Variants in DCLK1 observed in about 807,000 individuals in gnomAD.
DCLK1 encodes the protein serine/threonine-protein kinase DCLK1.
Under a neutral mutation model 86.2 loss-of-function variants are expected in DCLK1, and 16 were observed. That is an observed-to-expected ratio of 0.19 (90% confidence interval 0.13 to 0.28). DCLK1 has a LOEUF of 0.28. DCLK1 is among the 10% of genes least tolerant of loss of function. DCLK1 has a pLI of 1.00. For synonymous variants in DCLK1, 369 were observed against 370.5 expected (o/e 1.00, Z 0.05); for missense variants, 590 against 940.2 (o/e 0.63, Z 4.87).
intron 4 of DCLK1, among the ~76,000 whole-genome samples, chr13:35,901,208 C>T (rs1216289062): frequency 1.3e-5 from 2 of 152,008 alleles, no homozygotes; most frequent in African/African-American, 4.8e-5. Context: ...CAGACTTGGC[C>T]AGGCATGGTG....
rs1163497936 is a variant in DCLK1, at chr13:35,828,217, C to T, written c.1287+33G>A. The T allele has an allele frequency of 1.9e-6, 3 of 1,569,160 alleles. No homozygotes were observed. The African/African-American group carries it at 4.0e-5, about 21-fold the overall frequency. ...TGTGTTTCTTTTGACCTCTTGAACACTCTTATCTCATAAGAACAAATTTTA... is the reference window on the plus strand; with the variant it reads ...TGTGTTTCTTTTGACCTCTTGAACATTCTTATCTCATAAGAACAAATTTTA... On this transcript the variant is annotated intron_variant, in intron 9 of 16. Transcript: ENST00000360631.
At position 35,770,273 on chromosome 13, in the gene DCLK1, T is replaced by C. The variant is rs2086306717; in HGVS notation, c.*4262A>G. On this transcript the variant is annotated 3_prime_UTR_variant, in exon 17 of 17. Transcript: ENST00000360631. ...ACATTTGCAGTTATCAAATGTTTAG[T>C]GTGTCCTCAAGTTTCATTGATTTGT... 6.6e-6 allele frequency: 1 copy of C among 152,244 alleles called. No homozygotes were observed. Among genetic ancestry groups the C allele is most frequent in the South Asian group, 2.1e-4 (1 of 4,836 alleles). The allele number at this position is 152,244 out of a possible 1,614,324, so 9.4% of individuals were successfully genotyped here. A position where few individuals can be genotyped will look rare whatever the true frequency, so the allele number is the denominator to read the frequency against.
chr13:35,826,540 A>AGGAAGGGAGGAAGG (rs1382422000), intron 10 of DCLK1, among the ~76,000 whole-genome samples: 1 of 92,754 alleles, frequency 1.1e-5, no homozygotes, highest in African/African-American at 3.3e-5. Context: ...AAAAAAAAAA[A>AGGAAGGGAGGAAGG]AAGAAAGAAA....
In DCLK1 at chr13:36,006,264, C is replaced by A. The variant is rs138305058; in HGVS notation, c.724-58807G>T. On this transcript the variant is annotated intron_variant, in intron 3 of 16. Coordinates refer to ENST00000360631, the MANE Select transcript of DCLK1 (RefSeq NM_001330071.2). Reference sequence around the variant, plus strand: ...AGAAAATGTGAATGAAGACAAGCACCTTTTCCAGGCAGCCGTACCAAGGAG... The same window carrying A: ...AGAAAATGTGAATGAAGACAAGCACATTTTCCAGGCAGCCGTACCAAGGAG... Among the ~76,000 whole-genome samples, 265 of 152,256 alleles carry A rather than the reference C, an allele frequency of 1.7e-3. 1 individual carries two copies. Among genetic ancestry groups the A allele is most frequent in the Middle Eastern group, 6.8e-3 (2 of 294 alleles).
chr13:35,988,936 G>A (rs532862858), intron 3 of DCLK1, among the ~76,000 whole-genome samples: 22 of 152,174 alleles, frequency 1.4e-4, no homozygotes, highest in South Asian at 8.3e-4. Context: ...ATCAGCACAC[G>A]CCATGAAGGA....
intron 3 of DCLK1, among the ~76,000 whole-genome samples, chr13:35,978,262 G>A (rs1879457139): frequency 7.7e-6 from 1 of 130,180 alleles, no homozygotes; most frequent in Non-Finnish European, 1.5e-5. Context: ...CTGGAGTGCA[G>A]TAGTACGATC....
At chr13:36,014,057 T>C (rs1334019248) in intron 3 of DCLK1, among the ~76,000 whole-genome samples, 2 of 152,342 alleles carry the variant, frequency 1.3e-5, no homozygotes, top group African/African-American at 4.8e-5. Context: ...TGCCTCGCCC[T>C]GCTTCGGCTC....
At chr13:36,005,569 G>C (rs538703955) in intron 3 of DCLK1, among the ~76,000 whole-genome samples, 3 of 152,254 alleles carry the variant, frequency 2.0e-5, no homozygotes, top group African/African-American at 7.2e-5. Context: ...CACTCCATAG[G>C]TATCTCTGGA....
At chr13:35,876,954 A>G (rs1418529769) in intron 4 of DCLK1, among the ~76,000 whole-genome samples, 1 of 152,186 alleles carries the variant, frequency 6.6e-6, no homozygotes, top group Non-Finnish European at 1.5e-5. Flanking sequence ...TCTTGCTCCT[A>G]AAGATTGCAG....
intron 4 of DCLK1, among the ~76,000 whole-genome samples, chr13:35,880,817 G>T (rs902430154): frequency 2.0e-5 from 3 of 152,096 alleles, no homozygotes; most frequent in Non-Finnish European, 1.5e-5. Context: ...TGACCTTTTT[G>T]AAAGTAAAGC....
chr13:36,006,015 G>A (rs563503644), intron 3 of DCLK1, among the ~76,000 whole-genome samples: 45 of 152,078 alleles, frequency 3.0e-4, no homozygotes, highest in Admixed American at 2.1e-3. Flanking sequence ...GGGCCTGCTG[G>A]AGGGTCGGGG....
At chr13:35,905,859 G>T (rs1232748821) in intron 4 of DCLK1, among the ~76,000 whole-genome samples, 1 of 152,022 alleles carries the variant, frequency 6.6e-6, no homozygotes, top group Non-Finnish European at 1.5e-5. Flanking sequence ...AGACTGCCAG[G>T]GCGAGGATTT....
chr13:36,051,234 T>C (rs1883112219), intron 3 of DCLK1, among the ~76,000 whole-genome samples: 1 of 152,206 alleles, frequency 6.6e-6, no homozygotes, highest in Admixed American at 6.5e-5. Context: ...GTTTGCATAA[T>C]CTTTAAGGAT....
At chr13:35,959,295 C>A (rs894678965) in intron 3 of DCLK1, among the ~76,000 whole-genome samples, 1 of 152,132 alleles carries the variant, frequency 6.6e-6, no homozygotes, top group African/African-American at 2.4e-5. Context: ...CATAAAGCAT[C>A]ATGACTTCAA....
chr13:36,079,047 A>C (rs541830860), intron 3 of DCLK1, among the ~76,000 whole-genome samples: 1 of 152,256 alleles, frequency 6.6e-6, no homozygotes, highest in South Asian at 2.1e-4. Flanking sequence ...CTTTACATTA[A>C]AGAAGCTGTG....
At chr13:35,785,974 C>A (rs1188761136) in intron 16 of DCLK1, among the ~76,000 whole-genome samples, 1 of 152,196 alleles carries the variant, frequency 6.6e-6, no homozygotes, top group African/African-American at 2.4e-5. Flanking sequence ...GCTTTACATA[C>A]TGGGTGCACT....
chr13:35,971,445 C>G (rs531971948), intron 3 of DCLK1, among the ~76,000 whole-genome samples: 1 of 152,090 alleles, frequency 6.6e-6, no homozygotes, highest in Non-Finnish European at 1.5e-5. Context: ...TACAAGAAGA[C>G]AGGAAGATGC....
At chr13:36,078,810 GTAA>G (rs146950232) in intron 3 of DCLK1, among the ~76,000 whole-genome samples, 3 of 152,206 alleles carry the variant, frequency 2.0e-5, no homozygotes, top group African/African-American at 7.2e-5. Flanking sequence ...CCAATTTTAC[GTAA>G]TGTGAATCAT....
At position 36,131,094 on chromosome 13, in the gene DCLK1, A is replaced by C. The variant is rs1886347884; in HGVS notation, c.-20+20T>G. Reference sequence around the variant, plus strand: ...CGCCCTCCCCGCAGCTCCCGTCCCCAGGGAAGGCAAACCACGCACCGGTCC... The same window carrying C: ...CGCCCTCCCCGCAGCTCCCGTCCCCCGGGAAGGCAAACCACGCACCGGTCC... On this transcript the variant is annotated intron_variant, in intron 1 of 16. Coordinates refer to ENST00000360631, the MANE Select transcript of DCLK1 (RefSeq NM_001330071.2). 1 of 150,278 alleles carries C rather than the reference A, an allele frequency of 6.7e-6. No homozygotes were observed. The highest frequency in any genetic ancestry group is 6.6e-5 in the Admixed American group (1 of 15,104). The allele number at this position is 150,278 out of a possible 1,614,324, so 9.3% of individuals were successfully genotyped here.
Sources: allele counts gnomAD v4.1 joint callset (sites outside exome capture counted in the v4.1 genomes callset), GRCh38; gene constraint gnomAD v4.1.1; transcripts MANE v1.5; gene names NCBI Gene and HGNC (gene_info 2026-07-23, HGNC 2026-07-21).